RBFOX1: variants seen among roughly 807,000 people sequenced by gnomAD.
RBFOX1 encodes the protein RNA binding protein fox-1 homolog 1.
RBFOX1 carries 8 observed loss-of-function variants against 57.7 expected under a neutral mutation model. The observed-to-expected ratio is 0.14, with a 90% CI of 0.08 to 0.25. The LOEUF (loss-of-function observed/expected upper bound fraction) is 0.25, where lower values mean the gene tolerates loss of function less well. Among genes scored for constraint, RBFOX1 ranks in the 10% least tolerant of loss-of-function variants. The pLI, the probability that RBFOX1 is intolerant of heterozygous loss-of-function variation, is 1.00. For missense variants in RBFOX1, 611 were observed against 548.5 expected, an observed-to-expected ratio of 1.11 and a Z score of -1.14; for synonymous variants, 326 against 222.4, an observed-to-expected ratio of 1.47 and a Z score of -4.15.
intron 4 of RBFOX1, among the ~76,000 whole-genome samples, chr16:7,202,800 C>G (rs1298483081): frequency 6.6e-6 from 1 of 152,194 alleles, no homozygotes; most frequent in Non-Finnish European, 1.5e-5. Flanking sequence ...TCCCCTGCAA[C>G]AGCCCCCCAC....
chr16:6,682,836 C>G (rs1444661983), intron 3 of RBFOX1, among the ~76,000 whole-genome samples: 1 of 80,326 alleles, frequency 1.2e-5, no homozygotes, highest in African/African-American at 4.9e-5. Flanking sequence ...AGGATAAAGG[C>G]AAAAAGAGAA....
chr16:6,486,319 G>A (rs2095481351), intron 2 of RBFOX1, among the ~76,000 whole-genome samples: 1 of 151,684 alleles, frequency 6.6e-6, no homozygotes, highest in Non-Finnish European at 1.5e-5. Context: ...AACAAACTTG[G>A]TCTTGTTTTC....
At chr16:5,796,008 GC>G (rs1453739683) in intron 3 of RBFOX1, among the ~76,000 whole-genome samples, 1 of 152,182 alleles carries the variant, frequency 6.6e-6, no homozygotes, top group Non-Finnish European at 1.5e-5. Flanking sequence ...TTTGCATAGG[GC>G]TGTGCAATGC....
intron 3 of RBFOX1, among the ~76,000 whole-genome samples, chr16:7,000,596 CTTTTTTTTTT>C (rs759103545): frequency 3.2e-5 from 3 of 92,596 alleles, no homozygotes; most frequent in South Asian, 4.3e-4. Context: ...CTTTTTCTTT[CTTTTTTTTTT>C]TTTTTTTTTT....
intron 14 of RBFOX1, among the ~76,000 whole-genome samples, chr16:7,699,217 T>C (rs1193986979): frequency 6.6e-6 from 1 of 152,178 alleles, no homozygotes; most frequent in Non-Finnish European, 1.5e-5. Flanking sequence ...AGATAGGGTC[T>C]CTGTCATCCA....
At chr16:7,315,334 G>A (rs1465890366) in intron 4 of RBFOX1, among the ~76,000 whole-genome samples, 2 of 151,664 alleles carry the variant, frequency 1.3e-5, no homozygotes, top group African/African-American at 2.4e-5. Context: ...AAATGCTCTT[G>A]AGTTAAAAAA....
intron 4 of RBFOX1, among the ~76,000 whole-genome samples, chr16:7,110,769 C>A (rs748081069): frequency 9.2e-5 from 14 of 152,248 alleles, no homozygotes; most frequent in South Asian, 2.1e-4. Flanking sequence ...CGTAATATTA[C>A]AAAGTGGTCA....
chr16:6,030,637 A>C (rs188049427), intron 1 of RBFOX1, among the ~76,000 whole-genome samples: 173 of 152,318 alleles, frequency 1.1e-3, no homozygotes, highest in Non-Finnish European at 2.2e-3. Context: ...GGTATACATA[A>C]ATTACAGCCC....
intron 2 of RBFOX1, among the ~76,000 whole-genome samples, chr16:6,380,136 A>G (rs2091642013): frequency 6.6e-6 from 1 of 152,092 alleles, no homozygotes; most frequent in Non-Finnish European, 1.5e-5. Flanking sequence ...GGGGAGGTTG[A>G]AGATGGGAGG....
At chr16:6,084,083 C>T (rs903399937) in intron 1 of RBFOX1, among the ~76,000 whole-genome samples, 1 of 152,178 alleles carries the variant, frequency 6.6e-6, no homozygotes, top group Admixed American at 6.5e-5. Flanking sequence ...GCAACTTGCA[C>T]TTAGGGGCCT....
intron 2 of RBFOX1, among the ~76,000 whole-genome samples, chr16:5,551,797 C>G (rs933207680): frequency 1.3e-5 from 2 of 151,726 alleles, no homozygotes; most frequent in African/African-American, 2.4e-5. Context: ...CTCCGCCCCC[C>G]ACCCCCCGAC....
At chr16:7,592,018 C>G (rs2094467264) in intron 7 of RBFOX1, among the ~76,000 whole-genome samples, 1 of 151,808 alleles carries the variant, frequency 6.6e-6, no homozygotes, top group African/African-American at 2.4e-5. Flanking sequence ...TTTTGATAAC[C>G]TGATAACCCA....
At chr16:6,224,810 C>A (rs145422203) in intron 1 of RBFOX1, among the ~76,000 whole-genome samples, 2 of 152,204 alleles carry the variant, frequency 1.3e-5, no homozygotes, top group Non-Finnish European at 2.9e-5. Flanking sequence ...CACCTGTGGT[C>A]AGGAGTTTGA....
chr16:6,550,476 C>T (rs1599576844), intron 2 of RBFOX1, among the ~76,000 whole-genome samples: 1 of 152,182 alleles, frequency 6.6e-6, no homozygotes, highest in Non-Finnish European at 1.5e-5. Flanking sequence ...TAGGCGTCTG[C>T]CACCATGCCC....
chr16:7,204,175 C>G (rs574551872), intron 4 of RBFOX1, among the ~76,000 whole-genome samples: 4 of 152,308 alleles, frequency 2.6e-5, no homozygotes, highest in East Asian at 1.9e-4. Flanking sequence ...CTCAGAGTAA[C>G]CATTCATTCC....
At chr16:7,367,907 CACACACAG>C (rs1416769448) in intron 4 of RBFOX1, among the ~76,000 whole-genome samples, 2 of 151,406 alleles carry the variant, frequency 1.3e-5, no homozygotes, top group Non-Finnish European at 3.0e-5. Context: ...CACACACACA[CACACACAG>C]ACACTACACA....
intron 3 of RBFOX1, among the ~76,000 whole-genome samples, chr16:5,770,742 T>G (rs776166810): frequency 2.0e-5 from 3 of 152,230 alleles, no homozygotes; most frequent in African/African-American, 7.2e-5. Flanking sequence ...TTTATTCCAC[T>G]GTTTAAACAC....
chr16:5,928,578 T>G (rs1188618521), intron 4 of RBFOX1, among the ~76,000 whole-genome samples: 2 of 151,988 alleles, frequency 1.3e-5, no homozygotes, highest in Non-Finnish European at 2.9e-5. Flanking sequence ...CTGGTGAAAG[T>G]CACTATATGT....
chr16:5,654,081 A>G (rs921058651), intron 3 of RBFOX1, among the ~76,000 whole-genome samples: 1 of 152,206 alleles, frequency 6.6e-6, no homozygotes, highest in African/African-American at 2.4e-5. Flanking sequence ...AAAAGTGCAT[A>G]GACTTTGCAG....
Sources: allele counts gnomAD v4.1 joint callset (sites outside exome capture counted in the v4.1 genomes callset), GRCh38; gene constraint gnomAD v4.1.1; transcripts MANE v1.5; gene names NCBI Gene and HGNC (gene_info 2026-07-23, HGNC 2026-07-21).